The following PANK4 variants were observed in gnomAD, a reference collection of about 807,000 sequenced individuals.
The protein encoded by PANK4 is 4'-phosphopantetheine phosphatase.
In PANK4, 40 loss-of-function variants were observed where a neutral mutation model predicts 87.9. That is an observed-to-expected ratio of 0.46 (90% CI 0.35 to 0.59). The LOEUF (loss-of-function observed/expected upper bound fraction) is 0.59. PANK4 is among the 20% of genes least tolerant of loss of function. The pLI, the probability that PANK4 is intolerant of heterozygous loss-of-function variation, is 0.00. For missense variants in PANK4, 926 were observed against 1,072.3 expected (o/e 0.86, Z 1.90); for synonymous variants, 524 against 467.4 (o/e 1.12, Z -1.56).
intron 7 of PANK4, among the ~76,000 whole-genome samples, 173 bp from the exon 8 acceptor site, chr1:2,518,770 C>T (rs1380680956): frequency 6.6e-6 from 1 of 152,266 alleles, no homozygotes; most frequent in Non-Finnish European, 1.5e-5. Flanking sequence ...AGAGGGCGGG[C>T]TGCTGTTTGA....
chr1:2,508,948 C>T lies in PANK4; in HGVS notation c.2221G>A (p.Glu741Lys), dbSNP rs1643614110. 3 of 1,610,404 alleles carry T rather than the reference C, an allele frequency of 1.9e-6. No individual in the cohort carries two copies. Among genetic ancestry groups the T allele is most frequent in the Non-Finnish European group, 2.5e-6 (3 of 1,179,190 alleles). The change falls in exon 19 of 19, where the codon GAG (glutamate) becomes AAG (lysine). Residue 741 changes from glutamate to lysine, a missense_variant. Transcript: ENST00000378466. This position sits in a 1 kb window ranked among gnomAD's most constrained non-coding sequence, Gnocchi z 5.1. ...TTGATGACGGCCAGCTTGAGGCTCT[C>T]GCAGCGCAGGGCTGCGTGGTAGTTT... The part of the protein sequence containing the change: ...HTNYHAALRC[E>K]SLKLAVIKNA...
At chr1:2,511,538 C>G in intron 14 of PANK4, 90 bp downstream of exon 14, 2 of 1,122,488 alleles carry the variant, frequency 1.8e-6, no homozygotes, top group Non-Finnish European at 2.7e-6. Context: ...GGTGCCTGGA[C>G]CCCGACCGCA....
chr1:2,520,655 C>G lies in PANK4; in HGVS notation c.606+68G>C. The G allele has an allele frequency of 6.8e-7, 1 of 1,470,998 alleles. No homozygotes were observed. Among genetic ancestry groups the G allele is most frequent in the Middle Eastern group, 1.8e-4 (1 of 5,640 alleles). 91.1% of individuals were successfully genotyped at this position (1,470,998 alleles called of 1,614,324 possible). The stretch of plus-strand genomic sequence containing the variant: ...TCCATGTGCCCAGCCCTGGCTCCTG[C>G]ACACAGCGAGGGCTTAACAAACTAT... On this transcript the variant is annotated intron_variant, in intron 4 of 18. Coordinates refer to ENST00000378466, the MANE Select transcript of PANK4 (RefSeq NM_018216.4). This position sits in a 1 kb window ranked among gnomAD's most constrained non-coding sequence, Gnocchi z 6.2.
Position 2,519,437 on chromosome 1 carries a change from A to C in PANK4, c.854-113T>G. ...TGAGTGGGAGGGGAGGGGGAGAGAG[A>C]GCTGAGTGGGAGGGGAGGGGGAGAG... On this transcript the variant is annotated intron_variant, in intron 6 of 18. Coordinates refer to ENST00000378466, the MANE Select transcript of PANK4 (RefSeq NM_018216.4). This position sits in a 1 kb window ranked among gnomAD's most constrained non-coding sequence, Gnocchi z 8.3. 2.7e-5 allele frequency: 1 copy of C among 36,478 alleles called. No homozygotes were observed. The highest frequency in any genetic ancestry group is 7.4e-4 in the South Asian group (1 of 1,360). 2.3% of individuals were successfully genotyped at this position (36,478 alleles called of 1,614,324 possible). A position where few individuals can be genotyped will look rare whatever the true frequency, so the allele number is the denominator to read the frequency against.
rs1051287399 is a variant in PANK4 at position 2,515,952 on chromosome 1, G to A, written c.1219-235C>T. On this transcript the variant is annotated intron_variant, in intron 9 of 18. Coordinates refer to ENST00000378466, the MANE Select transcript of PANK4 (RefSeq NM_018216.4). The surrounding 1 kb of genome is among the most constrained non-coding windows in gnomAD (Gnocchi z 5.0). ...GGGGTTGCGTCTGCTCCCACCACACGCCTCCTGCCCCCAGCACCTCCCCGC... is the reference window on the plus strand; with the variant it reads ...GGGGTTGCGTCTGCTCCCACCACACACCTCCTGCCCCCAGCACCTCCCCGC... 1.0e-5 allele frequency: 6 copies of A among 576,886 alleles called. No homozygotes were observed. Among genetic ancestry groups the A allele is most frequent in the East Asian group, 5.8e-5 (2 of 34,414 alleles). The allele number at this position is 576,886 out of a possible 1,614,324, so 35.7% of individuals were successfully genotyped here.
At chr1:2,512,580 T>C (rs1057215525) in intron 13 of PANK4, 6 of 413,432 alleles carry the variant, frequency 1.5e-5, no homozygotes, top group East Asian at 4.1e-5. Context: ...ATAGGAAACA[T>C]GAATTTGGAT....
At chr1:2,512,256 C>T (rs769036808) in intron 13 of PANK4, 23 of 155,906 alleles carry the variant, frequency 1.5e-4, no homozygotes, top group Non-Finnish European at 2.6e-4. Context: ...TTGGAGGCGG[C>T]GTTCTCATCT....
intron 8 of PANK4, 53 bp from the exon 9 acceptor site, chr1:2,518,317 G>C (rs572576799): frequency 2.2e-5 from 29 of 1,290,884 alleles, no homozygotes; most frequent in Non-Finnish European, 3.2e-5. Flanking sequence ...TGATTCAAAA[G>C]CAGGAGAGTG....
chr1:2,511,389 T>A lies in PANK4; in HGVS notation c.1784-2A>T. ...AGGAATCCACGAGCCAGGGTCTTTC[T>A]GAGACAGAGAGAGGGACACATGATT... On this transcript the variant is annotated splice_acceptor_variant, in intron 14 of 18. Transcript: ENST00000378466. LOFTEE classifies it high-confidence loss of function. The A allele has an allele frequency of 6.2e-7, 1 of 1,608,718 alleles. No individual in the cohort carries two copies. Among genetic ancestry groups the A allele is most frequent in the South Asian group, 1.1e-5 (1 of 91,024 alleles).
rs189789230 is a variant in PANK4, at chr1:2,520,614, C to T, written c.606+109G>A. Reference sequence around the variant, plus strand: ...GCTCACAGCCTCGCCACCCCCCTCCCGCCCACTGGGCCCCATCCATGTGCC... The same window carrying T: ...GCTCACAGCCTCGCCACCCCCCTCCTGCCCACTGGGCCCCATCCATGTGCC... On this transcript the variant is annotated intron_variant, in intron 4 of 18. Coordinates refer to ENST00000378466, the MANE Select transcript of PANK4 (RefSeq NM_018216.4). The surrounding 1 kb of genome is among the most constrained non-coding windows in gnomAD (Gnocchi z 6.2). The T allele has an allele frequency of 1.8e-4, 219 of 1,184,252 alleles. No homozygotes were observed. In the East Asian group the frequency reaches 4.4e-3, roughly 24 times the overall value. 73.4% of individuals were successfully genotyped at this position (1,184,252 alleles called of 1,614,324 possible).
chr1:2,526,501 G>A lies in PANK4; in HGVS notation c.87C>T (p.Arg29=). ...SITLPPDEIF[R]NLENAKRFAI... ...CGAAGCGCTTGGCGTTCTCCAGGTT[G>A]CGGAAGATCTCGTCGGGGGGCAGCG... Residue 29 remains arginine (R), a synonymous_variant, in exon 1 of 19, where the codon CGC becomes CGT. Coordinates refer to ENST00000378466, the MANE Select transcript of PANK4 (RefSeq NM_018216.4). 6.3e-7 allele frequency: 1 copy of A among 1,583,786 alleles called. No individual in the cohort carries two copies. The highest frequency in any genetic ancestry group is 2.5e-5 in the East Asian group (1 of 40,422).
chr1:2,509,383 T>A lies in PANK4; in HGVS notation c.2109-323A>T, dbSNP rs1643621156. 6.6e-6 allele frequency among the ~76,000 whole-genome samples: 1 copy of A among 152,128 alleles called. No individual in the cohort carries two copies. The highest frequency in any genetic ancestry group is 6.5e-5 in the Admixed American group (1 of 15,270). On this transcript the variant is annotated intron_variant, in intron 18 of 18. Coordinates refer to ENST00000378466, the MANE Select transcript of PANK4 (RefSeq NM_018216.4). The surrounding 1 kb of genome is among the most constrained non-coding windows in gnomAD (Gnocchi z 4.9). ...CACAGATGAAGCCAGCACTGGAGAA[T>A]CCCACCAGGCAGAGCAGACCAGCGG...
Position 2,526,519 on chromosome 1 carries a change from G to C in PANK4, c.69C>G (p.Pro23=). ...GDSLDKSITL[P]PDEIFRNLEN... is the part of the protein sequence containing the mutation. ...CCAGGTTGCGGAAGATCTCGTCGGG[G>C]GGCAGCGTGATGCTCTTGTCCAGAC... Residue 23 remains proline (P), a synonymous_variant, in exon 1 of 19, where the codon CCC becomes CCG. Transcript: ENST00000378466. 1 of 1,587,514 alleles carries C rather than the reference G, an allele frequency of 6.3e-7. No individual in the cohort carries two copies. The highest frequency in any genetic ancestry group is 8.6e-7 in the Non-Finnish European group (1 of 1,168,648).
Position 2,510,149 on chromosome 1 carries a change from C to A in PANK4, c.1947G>T (p.Leu649=). 1 of 1,602,380 alleles carries A rather than the reference C, an allele frequency of 6.2e-7. No individual in the cohort carries two copies. The highest frequency in any genetic ancestry group is 8.5e-7 in the Non-Finnish European group (1 of 1,173,794). ...TCAGGGCGGGGCCTGAGTTGCACGC[C>A]AGGATGACCTGCAGGAGGAGGGCCC... ...ELLLRGTEVI[L]ACNSGPALND... Residue 649 remains leucine (L), a synonymous_variant, in exon 17 of 19, where the codon CTG becomes CTT. Coordinates refer to ENST00000378466, the MANE Select transcript of PANK4 (RefSeq NM_018216.4). This position sits in a 1 kb window ranked among gnomAD's most constrained non-coding sequence, Gnocchi z 4.9.
Position 2,526,545 on chromosome 1 carries a change from T to G in PANK4, c.43A>C (p.Ser15Arg). The change falls in exon 1 of 19, where the codon AGT (serine) becomes CGT (arginine). Residue 15 changes from serine to arginine, a missense_variant. Physicochemically the swap from Ser to Arg is moderately radical, Grantham distance 110. Coordinates refer to ENST00000378466, the MANE Select transcript of PANK4 (RefSeq NM_018216.4). ...GGCAGCGTGATGCTCTTGTCCAGAC[T>G]GTCCCCGCTGCTCCCGCTGCCGCTC... ...GASGSGSSGDSLDKSITLPPD... is the reference protein window; with the variant it reads ...GASGSGSSGDRLDKSITLPPD... 2 of 1,601,780 alleles carry G rather than the reference T, an allele frequency of 1.2e-6. No individual in the cohort carries two copies. Among genetic ancestry groups the G allele is most frequent in the South Asian group, 2.2e-5 (2 of 89,892 alleles).
intron 8 of PANK4, 104 bp downstream of exon 8, chr1:2,518,412 C>G (rs541779109): frequency 9.4e-7 from 1 of 1,066,328 alleles, no homozygotes; most frequent in African/African-American, 1.6e-5. Context: ...TGAGGACTCA[C>G]GCTCCCCACC....
Position 2,518,229 on chromosome 1 carries a change from C to G in PANK4, c.1153G>C (p.Gly385Arg). The G allele has an allele frequency of 6.2e-7, 1 of 1,612,092 alleles. No homozygotes were observed. The highest frequency in any genetic ancestry group is 8.5e-7 in the Non-Finnish European group (1 of 1,179,708). ...NQYSWGENYA[G>R]SSGLMSASPE... ...GATGCACTCATCAGCCCGGAGCTGC[C>G]TGCATAGTTCTCTCCCCAGCTGTAC... is the stretch of plus-strand genomic sequence containing the variant. The change falls in exon 9 of 19, where the codon GGC becomes CGC. Residue 385 changes from glycine (G) to arginine (R), a missense_variant. By Grantham distance (125) the Gly-to-Arg change is moderately radical. Coordinates refer to ENST00000378466, the MANE Select transcript of PANK4 (RefSeq NM_018216.4).
At position 2,520,901 on chromosome 1, in the gene PANK4, T is replaced by G. The variant is rs1643869468; in HGVS notation, c.428A>C (p.Asp143Ala). ...CAGGCACGTCATCACGTCCTCCTTG[T>G]CGACTCTGAAAAGGAAGCGCCAACC... ...LIEEKLRLKV[D>A]KEDVMTCLIK... Residue 143 changes from aspartate to alanine, a missense_variant, in exon 4 of 19, where the codon GAC becomes GCC. By Grantham distance (126) the Asp-to-Ala change is moderately radical. Coordinates refer to ENST00000378466, the MANE Select transcript of PANK4 (RefSeq NM_018216.4). The surrounding 1 kb of genome is among the most constrained non-coding windows in gnomAD (Gnocchi z 6.2). 6.5e-7 allele frequency: 1 copy of G among 1,547,660 alleles called. No individual in the cohort carries two copies. The highest frequency in any genetic ancestry group is 8.7e-7 in the Non-Finnish European group (1 of 1,148,618).
Position 2,526,457 on chromosome 1 carries a change from C to G in PANK4, c.124+7G>C. The stretch of plus-strand genomic sequence containing the variant: ...CAGCCCGCGCCCGGCGCCCGGCCTG[C>G]GGCTACCTATGTCGATGGCGAAGCG... On this transcript the variant is annotated splice_region_variant and intron_variant, in intron 1 of 18. Coordinates refer to ENST00000378466, the MANE Select transcript of PANK4 (RefSeq NM_018216.4). 1 of 1,472,794 alleles carries G rather than the reference C, an allele frequency of 6.8e-7. No individual in the cohort carries two copies. The highest frequency in any genetic ancestry group is 9.1e-7 in the Non-Finnish European group (1 of 1,103,226). The allele number at this position is 1,472,794 out of a possible 1,614,324, so 91.2% of individuals were successfully genotyped here.
Sources: allele counts gnomAD v4.1 joint callset (sites outside exome capture counted in the v4.1 genomes callset), GRCh38; gene constraint gnomAD v4.1.1; non-coding constraint Gnocchi (gnomAD v3.1); transcripts MANE v1.5; gene names NCBI Gene and HGNC (gene_info 2026-07-23, HGNC 2026-07-21).